PIAS2: variants seen among roughly 807,000 people sequenced by gnomAD.
The protein encoded by PIAS2 is protein inhibitor of activated STAT 2, also known as E3 SUMO-protein ligase PIAS2.
In PIAS2, 19 loss-of-function variants were observed where a neutral mutation model predicts 69.7. The ratio of observed to expected loss-of-function variants is 0.27; its 90% CI spans 0.19 to 0.40. PIAS2 has a LOEUF of 0.40. PIAS2 is among the 10% of genes least tolerant of loss of function. The pLI is 1.00. For missense variants in PIAS2, 624 were observed against 757.0 expected (o/e 0.82, Z 2.06); for synonymous variants, 261 against 263.2 (o/e 0.99, Z 0.08).
chr18:46,832,403 G>A lies in PIAS2; in HGVS notation c.1203-2536C>T, dbSNP rs181888777. ...TGCACTCCAGCCTGGGCGACAGAGC[G>A]AAACTCCATCTCAAAACAAACAAAC... On this transcript the variant is annotated intron_variant, in intron 9 of 13. Transcript: ENST00000585916. Among the ~76,000 whole-genome samples, 114 of 148,474 alleles carry A rather than the reference G, an allele frequency of 7.7e-4. 1 individual carries two copies. The highest frequency in any genetic ancestry group is 7.6e-3 in the East Asian group (37 of 4,856).
At chr18:46,817,133 AT>A (rs2041650506) in intron 12 of PIAS2, 1 of 951,776 alleles carries the variant, frequency 1.1e-6, no homozygotes, top group East Asian at 1.2e-4. Context: ...AGTTTTCTTC[AT>A]TTTTACAATA....
chr18:46,891,098 C>A, intron 1 of PIAS2, 44 bp from the exon 2 acceptor site: 1 of 1,342,242 alleles, frequency 7.5e-7, no homozygotes, highest in Non-Finnish European at 1.0e-6. Flanking sequence ...CACCCTCAAG[C>A]ATACAAAAAT....
intron 2 of PIAS2, among the ~76,000 whole-genome samples, chr18:46,868,568 TCC>T (rs1230984682): frequency 6.6e-6 from 1 of 150,916 alleles, no homozygotes; most frequent in Non-Finnish European, 1.5e-5. Context: ...GCCGTCTGAC[TCC>T]AGCCAATGGG....
At chr18:46,894,346 C>G (rs2054523962) in intron 1 of PIAS2, among the ~76,000 whole-genome samples, 1 of 152,102 alleles carries the variant, frequency 6.6e-6, no homozygotes, top group South Asian at 2.1e-4. Context: ...GAGAGGGTCA[C>G]CAGAGCCCAC....
At position 46,808,821 on chromosome 18, in the gene PIAS2, CTTTTTTTTTTT is replaced by C. The variant is rs59693447; in HGVS notation, c.*3601_*3611del. ...AAAGAAAGAATGGTCCGGCTAAGTG[CTTTTTTTTTTT>C]TTTTTTTTTTTAAACCAACTGAAGG... On this transcript the variant is annotated 3_prime_UTR_variant, in exon 14 of 14. Transcript: ENST00000585916. 1 of 103,132 alleles carries C rather than the reference CTTTTTTTTTTT, an allele frequency of 9.7e-6. No homozygotes were observed. The highest frequency in any genetic ancestry group is 3.6e-5 in the African/African-American group (1 of 28,126). The allele number at this position is 103,132 out of a possible 1,614,324, so 6.4% of individuals were successfully genotyped here. A position where few individuals can be genotyped will look rare whatever the true frequency, so the allele number is the denominator to read the frequency against.
At chr18:46,913,345 A>C (rs1177361341) in intron 1 of PIAS2, among the ~76,000 whole-genome samples, 1 of 152,070 alleles carries the variant, frequency 6.6e-6, no homozygotes, top group Non-Finnish European at 1.5e-5. Flanking sequence ...GAAAGACCCA[A>C]ATCTGATCTT....
rs2042113508 is a variant in PIAS2 at position 46,821,022 on chromosome 18, A to G, written c.1559T>C (p.Val520Ala). 1 of 1,613,566 alleles carries G rather than the reference A, an allele frequency of 6.2e-7. No homozygotes were observed. The highest frequency in any genetic ancestry group is 8.5e-7 in the Non-Finnish European group (1 of 1,179,582). The change falls in exon 12 of 14, where the codon GTT becomes GCT. Residue 520 changes from valine to alanine, a missense_variant. Physicochemically the swap from Val to Ala is moderately conservative, Grantham distance 64. Coordinates refer to ENST00000585916, the MANE Select transcript of PIAS2 (RefSeq NM_004671.5). ...SSVRVPSVTS[V>A]DPAAIPPSLT... The stretch of plus-strand genomic sequence containing the variant: ...TGAAGGCGGAATAGCAGCAGGATCA[A>G]CCGAAGTCACACTGGGCACCCTTAC...
intron 2 of PIAS2, among the ~76,000 whole-genome samples, chr18:46,872,965 C>T (rs776299867): frequency 1.7e-4 from 26 of 152,138 alleles, no homozygotes; most frequent in Non-Finnish European, 3.1e-4. Flanking sequence ...TTTTCATTAA[C>T]GCAAACAAGG....
At chr18:46,905,421 C>T (rs56169983) in intron 1 of PIAS2, among the ~76,000 whole-genome samples, 1,681 of 151,450 alleles carry the variant, frequency 0.011, 17 homozygotes, top group Non-Finnish European at 0.017. Flanking sequence ...TGACAGGCAC[C>T]CAGCTTAAGA....
At chr18:46,860,667 T>A (rs959968306) in intron 3 of PIAS2, among the ~76,000 whole-genome samples, 19 of 152,284 alleles carry the variant, frequency 1.2e-4, no homozygotes, top group African/African-American at 3.4e-4. Flanking sequence ...CACACTGTTA[T>A]AAACGAATAA....
chr18:46,869,411 A>T (rs965796935), intron 2 of PIAS2, among the ~76,000 whole-genome samples: 31 of 151,990 alleles, frequency 2.0e-4, no homozygotes, highest in African/African-American at 7.3e-4. Flanking sequence ...GAAAGCAAGA[A>T]ATCTCTAATA....
rs910821738 is a variant in PIAS2 at position 46,844,812 on chromosome 18, G to A, written c.889C>T (p.Arg297Trp). 4.8e-6 allele frequency: 7 copies of A among 1,464,470 alleles called. No individual in the cohort carries two copies. Among genetic ancestry groups the A allele is most frequent in the Non-Finnish European group, 6.3e-6 (7 of 1,104,286 alleles). The allele number at this position is 1,464,470 out of a possible 1,614,324, so 90.7% of individuals were successfully genotyped here. ...AATAACATGGCTGATGTAAGCTGCC[G>A]TACAAGATATACAGACATAGAGTAA... is the stretch of plus-strand genomic sequence containing the variant. ...KNYSMSVYLV[R>W]QLTSAMLLQR... The change falls in exon 7 of 14, where the codon CGG becomes TGG. Residue 297 changes from arginine (R) to tryptophan (W), a missense_variant. Arg to Trp is a moderately radical substitution (Grantham distance 101). Transcript: ENST00000585916.
chr18:46,893,508 T>C, intron 1 of PIAS2: 1 of 966,210 alleles, frequency 1.0e-6, no homozygotes. Context: ...TGGCAAAGGA[T>C]GTTAATGCAA....
intron 13 of PIAS2, among the ~76,000 whole-genome samples, chr18:46,812,928 A>G (rs893259927): frequency 1.3e-5 from 2 of 152,174 alleles, no homozygotes; most frequent in African/African-American, 4.8e-5. Flanking sequence ...CCTAATCTCA[A>G]AAAGAATTTG....
In PIAS2 at chr18:46,829,641, C is replaced by G. The variant is rs1352179234; in HGVS notation, c.1336+93G>C. The G allele has an allele frequency of 6.4e-6, 7 of 1,094,318 alleles. No homozygotes were observed. The African/African-American group carries it at 1.1e-4, about 17-fold the overall frequency. 67.8% of individuals were successfully genotyped at this position (1,094,318 alleles called of 1,614,324 possible). On this transcript the variant is annotated intron_variant, in intron 10 of 13. Coordinates refer to ENST00000585916, the MANE Select transcript of PIAS2 (RefSeq NM_004671.5). ...ATCATCAAAAGACTGAGTCAACAAG[C>G]TGAATTCCAAACGTATAGTTCTAGG... is the stretch of plus-strand genomic sequence containing the variant.
chr18:46,804,863 A>G lies in PIAS2; in HGVS notation c.*7570T>C, dbSNP rs1371112660. The G allele has an allele frequency of 6.6e-6, 1 of 152,242 alleles. No individual in the cohort carries two copies. Among genetic ancestry groups the G allele is most frequent in the Admixed American group, 6.5e-5 (1 of 15,286 alleles). 9.4% of individuals were successfully genotyped at this position (152,242 alleles called of 1,614,324 possible). The stretch of plus-strand genomic sequence containing the variant: ...CACCTAATATAATCTCAAATACTGG[A>G]TGACTGAGACCATTTGTAAGCCAAG... On this transcript the variant is annotated 3_prime_UTR_variant, in exon 14 of 14. Coordinates refer to ENST00000585916, the MANE Select transcript of PIAS2 (RefSeq NM_004671.5).
chr18:46,872,107 C>T (rs192251050), intron 2 of PIAS2, among the ~76,000 whole-genome samples: 2 of 152,280 alleles, frequency 1.3e-5, no homozygotes, highest in East Asian at 3.9e-4. Flanking sequence ...TCAAGATAAG[C>T]GCCTTGAACA....
intron 2 of PIAS2, among the ~76,000 whole-genome samples, chr18:46,872,966 G>A (rs1046547125): frequency 6.6e-6 from 1 of 152,074 alleles, no homozygotes; most frequent in Non-Finnish European, 1.5e-5. Context: ...TTTCATTAAC[G>A]CAAACAAGGG....
At chr18:46,818,133 CATT>C (rs1356571836) in intron 12 of PIAS2, 2 of 1,083,416 alleles carry the variant, frequency 1.8e-6, no homozygotes, top group Non-Finnish European at 2.2e-6. Flanking sequence ...GAAATTGACT[CATT>C]AGATTTTTTC....
Sources: allele counts gnomAD v4.1 joint callset (sites outside exome capture counted in the v4.1 genomes callset), GRCh38; gene constraint gnomAD v4.1.1; transcripts MANE v1.5; gene names NCBI Gene and HGNC (gene_info 2026-07-23, HGNC 2026-07-21).